Variants in ADAMTSL3 observed in about 807,000 individuals in gnomAD.
The protein encoded by ADAMTSL3 is ADAMTS-like protein 3.
A neutral mutation model predicts 201.7 loss-of-function variants in ADAMTSL3; 128 were observed. The observed-to-expected ratio is 0.63, with a 90% CI of 0.55 to 0.73. The LOEUF is 0.73. ADAMTSL3 is among the 30% of genes least tolerant of loss of function. ADAMTSL3 has a pLI of 0.00. For missense variants in ADAMTSL3, 1,990 were observed against 2,119.6 expected, an observed-to-expected ratio of 0.94 and a Z score of 1.20; for synonymous variants, 738 against 748.4, an observed-to-expected ratio of 0.99 and a Z score of 0.23.
chr15:83,684,755 CTTTA>C (rs142724195), intron 2 of ADAMTSL3, among the ~76,000 whole-genome samples: 27,709 of 151,852 alleles, frequency 0.18, 3,438 homozygotes, highest in East Asian at 0.35. Context: ...CATCAGAATT[CTTTA>C]TTTATTCTCC....
intron 24 of ADAMTSL3, among the ~76,000 whole-genome samples, chr15:84,015,236 G>A (rs550094020): frequency 3.3e-5 from 5 of 152,152 alleles, no homozygotes; most frequent in African/African-American, 1.2e-4. Flanking sequence ...GAACCACTGC[G>A]CCCGGTCAGA....
At chr15:83,779,794 T>G (rs1391835544) in intron 4 of ADAMTSL3, among the ~76,000 whole-genome samples, 5 of 147,918 alleles carry the variant, frequency 3.4e-5, no homozygotes, top group Admixed American at 1.3e-4. Flanking sequence ...AACCATACAA[T>G]CACATGGAAA....
At chr15:83,706,565 A>G (rs895024696) in intron 3 of ADAMTSL3, among the ~76,000 whole-genome samples, 20 of 152,212 alleles carry the variant, frequency 1.3e-4, no homozygotes, top group Admixed American at 2.6e-4. Flanking sequence ...AGGTTTATCT[A>G]TTGAATGAAC....
intron 3 of ADAMTSL3, among the ~76,000 whole-genome samples, chr15:83,724,683 C>G (rs1478570187): frequency 6.6e-6 from 1 of 152,014 alleles, no homozygotes; most frequent in Non-Finnish European, 1.5e-5. Flanking sequence ...TAGCCATCCC[C>G]ACTTCCCCCA....
At chr15:84,028,664 A>AT (rs1393310043) in intron 27 of ADAMTSL3, among the ~76,000 whole-genome samples, 1 of 152,132 alleles carries the variant, frequency 6.6e-6, no homozygotes, top group Non-Finnish European at 1.5e-5. Context: ...TTGCCCTGTC[A>AT]TTTTTTCCTT....
chr15:83,859,381 G>T (rs528758804), intron 8 of ADAMTSL3, among the ~76,000 whole-genome samples: 5 of 152,286 alleles, frequency 3.3e-5, no homozygotes, highest in African/African-American at 1.2e-4. Flanking sequence ...AAGAAATGTA[G>T]GACAAAGAAA....
intron 3 of ADAMTSL3, among the ~76,000 whole-genome samples, chr15:83,725,811 T>C (rs1206644594): frequency 6.6e-6 from 1 of 152,226 alleles, no homozygotes; most frequent in Non-Finnish European, 1.5e-5. Flanking sequence ...TAGTATAATT[T>C]GAAGTCAGGT....
rs754561630 is a variant in ADAMTSL3, at chr15:83,913,170, G to A, written c.1779G>A (p.Val593=). ...GVQVREVKCR[V]LLTFTQTETE... The stretch of plus-strand genomic sequence containing the variant: ...AGGTCCGTGAGGTGAAGTGCCGTGT[G>A]CTCCTCACATTCACGCAGACTGAGA... The change falls in exon 16 of 30, where the codon GTG becomes GTA. Residue 593 remains valine, a synonymous_variant. Transcript: ENST00000286744. The A allele has an allele frequency of 6.2e-7, 1 of 1,614,164 alleles. No individual in the cohort carries two copies. The highest frequency in any genetic ancestry group is 1.1e-5 in the South Asian group (1 of 91,090).
intron 4 of ADAMTSL3, among the ~76,000 whole-genome samples, chr15:83,775,251 C>T (rs188348657): frequency 4.2e-4 from 64 of 152,074 alleles, no homozygotes; most frequent in African/African-American, 1.5e-3. Flanking sequence ...ACTTTGACAT[C>T]TCTTTCTAAA....
At chr15:83,774,297 G>A (rs1380688014) in intron 4 of ADAMTSL3, among the ~76,000 whole-genome samples, 1 of 152,206 alleles carries the variant, frequency 6.6e-6, no homozygotes, top group Non-Finnish European at 1.5e-5. Flanking sequence ...CCAAGATTAT[G>A]TCAGTCATCT....
intron 2 of ADAMTSL3, among the ~76,000 whole-genome samples, chr15:83,695,256 G>A (rs796560132): frequency 0.053 from 10 of 190 alleles, no homozygotes; most frequent in East Asian, 0.5. Context: ...GTGTGTGTGT[G>A]TGTGTGGTGG....
intron 4 of ADAMTSL3, among the ~76,000 whole-genome samples, chr15:83,790,691 C>T (rs933063557): frequency 6.6e-6 from 1 of 152,070 alleles, no homozygotes; most frequent in African/African-American, 2.4e-5. Context: ...ACCACTCTTA[C>T]CATAGGAGAA....
At chr15:83,973,114 T>C (rs1024679821) in intron 20 of ADAMTSL3, among the ~76,000 whole-genome samples, 24 of 152,194 alleles carry the variant, frequency 1.6e-4, no homozygotes, top group African/African-American at 5.6e-4. Flanking sequence ...TCTGTGATGA[T>C]GACCTTTCTA....
At chr15:83,970,243 A>G (rs988493974) in intron 19 of ADAMTSL3, among the ~76,000 whole-genome samples, 1 of 151,480 alleles carries the variant, frequency 6.6e-6, no homozygotes, top group African/African-American at 2.4e-5. Flanking sequence ...GGCGGTAGAG[A>G]GGACATGACT....
At chr15:83,957,610 G>C (rs1487267322) in intron 19 of ADAMTSL3, among the ~76,000 whole-genome samples, 4 of 152,082 alleles carry the variant, frequency 2.6e-5, no homozygotes, top group African/African-American at 9.7e-5. Context: ...AAAAAGAGGA[G>C]TGTTTTGTAT....
intron 23 of ADAMTSL3, among the ~76,000 whole-genome samples, chr15:84,008,936 A>T (rs995659907): frequency 1.3e-5 from 2 of 151,580 alleles, no homozygotes; most frequent in African/African-American, 4.9e-5. Flanking sequence ...CTCTCACACT[A>T]CCCCACCCCC....
intron 2 of ADAMTSL3, chr15:83,694,343 C>G (rs1377853776): frequency 6.6e-6 from 1 of 152,144 alleles, no homozygotes; most frequent in African/African-American, 2.4e-5. Context: ...GTGGCTAGAC[C>G]AGGAGGAGGG....
At chr15:83,929,977 C>T (rs560904357) in intron 17 of ADAMTSL3, among the ~76,000 whole-genome samples, 3 of 152,292 alleles carry the variant, frequency 2.0e-5, no homozygotes, top group African/African-American at 4.8e-5. Flanking sequence ...ATCATTGGCT[C>T]ACTTCTCACT....
chr15:83,681,166 A>G (rs1462771253), intron 2 of ADAMTSL3, among the ~76,000 whole-genome samples: 1 of 152,230 alleles, frequency 6.6e-6, no homozygotes. Flanking sequence ...CAAATAATCA[A>G]AATATTTTAG....
Sources: gnomAD v4.1 joint callset for allele counts (sites outside exome capture counted in the v4.1 genomes callset) on GRCh38, gnomAD v4.1.1 for gene constraint, MANE v1.5 for transcripts, NCBI Gene and HGNC (gene_info 2026-07-23, HGNC 2026-07-21) for gene names.